FHL1: variants seen among roughly 807,000 people sequenced by gnomAD.
FHL1 encodes four and a half LIM domains protein 1.
A neutral mutation model predicts 20.3 loss-of-function variants in FHL1; 1 was observed. The observed-to-expected ratio is 0.05, with a 90% confidence interval of 0.02 to 0.23. The LOEUF (loss-of-function observed/expected upper bound fraction) is 0.23, where lower values mean the gene tolerates loss of function less well. FHL1 is among the 10% of genes least tolerant of loss of function. FHL1 has a pLI of 1.00. For missense variants in FHL1, 177 were observed against 234.0 expected, an observed-to-expected ratio of 0.76 and a Z score of 1.59; for synonymous variants, 82 against 88.9, an observed-to-expected ratio of 0.92 and a Z score of 0.44.
In FHL1 at chrX:136,210,767, C is replaced by T; in HGVS notation, c.*742C>T. The T allele has an allele frequency of 2.6e-6, 1 of 387,721 alleles. No individual in the cohort carries two copies. The highest frequency in any genetic ancestry group is 2.6e-5 in the South Asian group (1 of 38,913). The allele number at this position is 387,721 out of a possible 1,213,427, so 32.0% of individuals were successfully genotyped here. A position where few individuals can be genotyped will look rare whatever the true frequency, so the allele number is the denominator to read the frequency against. On this transcript the variant is annotated 3_prime_UTR_variant, in exon 6 of 6. Coordinates refer to ENST00000370683, the MANE Select transcript of FHL1 (RefSeq NM_001159699.2). ...AGGAACATCGTCACAACGAATACTT[C>T]TGGAAGCTTAACAAAACTAACCCTG... is the stretch of plus-strand genomic sequence containing the variant.
At chrX:136,196,827 G>C (rs1472956545), upstream of FHL1, 2 of 1,166,888 alleles carry the variant, frequency 1.7e-6, no homozygotes, top group Middle Eastern at 2.5e-4. Flanking sequence ...GGCCTCTCTG[G>C]CTCTGGAGCT....
intron 1 of FHL1, among the ~76,000 whole-genome samples, chrX:136,160,213 A>G (rs2072528449): frequency 9.0e-6 from 1 of 110,783 alleles, no homozygotes; most frequent in Non-Finnish European, 1.9e-5. Context: ...TAAGAGGGAC[A>G]TTGCAGCTGC....
chrX:136,206,969 C>A, intron 2 of FHL1, 47 bp from the exon 3 acceptor site: 1 of 1,192,573 alleles, frequency 8.4e-7, no homozygotes, highest in Non-Finnish European at 1.1e-6. Context: ...CCTGCCACCA[C>A]CCCCAGCACC....
chrX:136,183,109 CA>C (rs1289790207), intron 2 of FHL1, among the ~76,000 whole-genome samples: 1 of 94,157 alleles, frequency 1.1e-5, no homozygotes, highest in Non-Finnish European at 2.2e-5. Context: ...AAAAAAAAAA[CA>C]AAAAACAAAC....
intron 1 of FHL1, among the ~76,000 whole-genome samples, chrX:136,152,237 T>C (rs563760544): frequency 2.7e-5 from 3 of 112,181 alleles, no homozygotes; most frequent in African/African-American, 9.7e-5. Context: ...TCTGCAGTTA[T>C]GATGCACATT....
chrX:136,155,125 C>T (rs981510577), intron 1 of FHL1, among the ~76,000 whole-genome samples: 3 of 112,246 alleles, frequency 2.7e-5, no homozygotes, highest in Non-Finnish European at 3.8e-5. Context: ...GTTTCACTCT[C>T]AGGGTGACTC....
At chrX:136,198,421 A>G in intron 1 of FHL1, among the ~76,000 whole-genome samples, 1 of 112,491 alleles carries the variant, frequency 8.9e-6, no homozygotes, top group Non-Finnish European at 1.9e-5. Context: ...AAATTGCACC[A>G]AATTCTTATG....
At position 136,203,764 on chromosome X, in the gene FHL1, A is replaced by G. The variant is rs141254061; in HGVS notation, c.23-2643A>G. Among the ~76,000 whole-genome samples the G allele has an allele frequency of 6.7e-4, 75 of 112,012 alleles. 1 individual carries two copies. The highest frequency in any genetic ancestry group is 2.3e-3 in the African/African-American group (71 of 30,920). On this transcript the variant is annotated intron_variant, in intron 1 of 5. Transcript: ENST00000370683. The stretch of plus-strand genomic sequence containing the variant: ...AGATCTCTCAGGTACTTTGAACCAT[A>G]ATGCAGTTTTCCTTCTCTTCAAAAC...
intron 1 of FHL1, among the ~76,000 whole-genome samples, chrX:136,202,582 C>A (rs2073741538): frequency 9.1e-6 from 1 of 110,348 alleles, no homozygotes; most frequent in Non-Finnish European, 1.9e-5. Flanking sequence ...ATGGTGAAAC[C>A]CTGTCTCTAC....
intron 2 of FHL1, among the ~76,000 whole-genome samples, chrX:136,171,134 G>A (rs2072855512): frequency 1.8e-5 from 2 of 111,388 alleles, no homozygotes; most frequent in Non-Finnish European, 3.8e-5. Context: ...AAGCAAGCTC[G>A]GTGATACAAG....
At chrX:136,200,025 C>G (rs761740607) in intron 1 of FHL1, among the ~76,000 whole-genome samples, 5 of 112,018 alleles carry the variant, frequency 4.5e-5, no homozygotes, top group South Asian at 3.7e-4. Flanking sequence ...AATTGAAAGC[C>G]AAAACTTTTA....
At chrX:136,172,797 A>G (rs1343774805) in intron 2 of FHL1, among the ~76,000 whole-genome samples, 3 of 112,212 alleles carry the variant, frequency 2.7e-5, no homozygotes, top group Admixed American at 9.4e-5. Context: ...CAGTGGTGCA[A>G]TCTCGGCTCA....
At chrX:136,148,862 T>TA (rs2072185240) in intron 1 of FHL1, 1 of 112,544 alleles carries the variant, frequency 8.9e-6, no homozygotes, top group Non-Finnish European at 1.9e-5. Context: ...GGGCAGGAGA[T>TA]ACATCCTTGT....
intron 4 of FHL1, 69 bp downstream of exon 4, chrX:136,208,030 C>T (rs2073895444): frequency 1.9e-5 from 21 of 1,092,595 alleles, no homozygotes; most frequent in South Asian, 3.7e-5. Context: ...CAGAGCACTT[C>T]CACACACACT....
chrX:136,157,002 C>G lies in FHL1; in HGVS notation c.-101+9374C>G, dbSNP rs1005583994. ...ACTAAGGAATACACACACACACACACACACACACACACACATAGGCAGACC... is the reference window on the plus strand; with the variant it reads ...ACTAAGGAATACACACACACACACAGACACACACACACACATAGGCAGACC... On this transcript the variant is annotated intron_variant, in intron 1 of 7. Transcript: ENST00000394155. Among the ~76,000 whole-genome samples the G allele has an allele frequency of 3.6e-4, 40 of 110,526 alleles. 1 individual carries two copies. Among genetic ancestry groups the G allele is most frequent in the Middle Eastern group, 9.2e-3 (2 of 218 alleles).
chrX:136,166,198 C>G (rs772055338), upstream of FHL1, among the ~76,000 whole-genome samples: 1 of 111,841 alleles, frequency 8.9e-6, no homozygotes, highest in East Asian at 2.8e-4. Context: ...GTGGGACATG[C>G]TAGTACAGAT....
chrX:136,160,604 T>G (rs917090320), intron 1 of FHL1, among the ~76,000 whole-genome samples: 1 of 111,759 alleles, frequency 8.9e-6, no homozygotes, highest in South Asian at 3.8e-4. Context: ...TGTTTTAGTT[T>G]CGTAGAGGCA....
chrX:136,188,441 G>T (rs1389733820), intron 2 of FHL1, among the ~76,000 whole-genome samples: 1 of 111,194 alleles, frequency 9.0e-6, no homozygotes, highest in African/African-American at 3.3e-5. Flanking sequence ...GTGTTCTCCT[G>T]CAGTGAGCTG....
At chrX:136,157,492 C>T (rs186884910) in intron 1 of FHL1, among the ~76,000 whole-genome samples, 15 of 111,777 alleles carry the variant, frequency 1.3e-4, no homozygotes, top group African/African-American at 3.2e-4. Context: ...GTACAAAAAC[C>T]GGCATCCAAT....
Sources: allele counts gnomAD v4.1 joint callset (sites outside exome capture counted in the v4.1 genomes callset), GRCh38; gene constraint gnomAD v4.1.1; transcripts MANE v1.5; gene names NCBI Gene and HGNC (gene_info 2026-07-23, HGNC 2026-07-21).